The following ITGBL1 variants were observed in gnomAD, a reference collection of about 807,000 sequenced individuals.
ITGBL1 encodes integrin beta-like protein 1.
ITGBL1 carries 51 observed loss-of-function variants against 68.5 expected under a neutral mutation model. The ratio of observed to expected loss-of-function variants is 0.74; its 90% CI spans 0.59 to 0.94. The LOEUF (loss-of-function observed/expected upper bound fraction) is 0.94, where lower values mean the gene tolerates loss of function less well. Among genes scored for constraint, ITGBL1 ranks in the 40% least tolerant of loss-of-function variants. The pLI is 0.00. For missense variants in ITGBL1, 649 were observed against 647.4 expected (o/e 1.00, Z -0.03); for synonymous variants, 209 against 227.3 (o/e 0.92, Z 0.72).
intron 7 of ITGBL1, among the ~76,000 whole-genome samples, chr13:101,689,410 A>G (rs1313063009): frequency 2.6e-5 from 4 of 151,922 alleles, no homozygotes. Context: ...GATTTGTGGT[A>G]GTGGCTAAAT....
At chr13:101,596,286 A>C (rs2029964937) in intron 6 of ITGBL1, among the ~76,000 whole-genome samples, 1 of 152,196 alleles carries the variant, frequency 6.6e-6, no homozygotes, top group African/African-American at 2.4e-5. Flanking sequence ...GCCAAGGGGT[A>C]GGAGAAATGG....
At chr13:101,473,743 A>G (rs1258221239) in intron 2 of ITGBL1, among the ~76,000 whole-genome samples, 1 of 152,058 alleles carries the variant, frequency 6.6e-6, no homozygotes, top group Non-Finnish European at 1.5e-5. Flanking sequence ...CTCCAGGAGG[A>G]GAGGGTAAAG....
At position 101,654,420 on chromosome 13, in the gene ITGBL1, G is replaced by A. The variant is rs118191077; in HGVS notation, c.1016-38165G>A. ...AAACACAACAGGAGTTCAGGTAGAA[G>A]ATGATGGTGGCTTAGACTGGGAGCG... On this transcript the variant is annotated intron_variant, in intron 7 of 10. Coordinates refer to ENST00000376180, the MANE Select transcript of ITGBL1 (RefSeq NM_004791.3). Among the ~76,000 whole-genome samples the A allele has an allele frequency of 5.9e-5, 9 of 152,330 alleles. No homozygotes were observed. In the East Asian group the frequency reaches 1.7e-3, roughly 29 times the overall value.
At chr13:101,602,484 T>C (rs921234802) in intron 7 of ITGBL1, among the ~76,000 whole-genome samples, 1 of 152,062 alleles carries the variant, frequency 6.6e-6, no homozygotes, top group African/African-American at 2.4e-5. Flanking sequence ...ATTACCAATT[T>C]TGTTCAAGAA....
chr13:101,571,177 TACC>T (rs1163727995), intron 3 of ITGBL1, among the ~76,000 whole-genome samples: 1 of 152,114 alleles, frequency 6.6e-6, no homozygotes, highest in East Asian at 1.9e-4. Flanking sequence ...TGGCTCCCAA[TACC>T]ACCAACATAT....
chr13:101,698,091 T>G (rs988305352), intron 8 of ITGBL1, among the ~76,000 whole-genome samples: 1 of 152,166 alleles, frequency 6.6e-6, no homozygotes, highest in Non-Finnish European at 1.5e-5. Context: ...AATAACAAAA[T>G]AAGAGAGTCA....
At chr13:101,584,112 T>C (rs762315805) in intron 6 of ITGBL1, among the ~76,000 whole-genome samples, 6 of 152,210 alleles carry the variant, frequency 3.9e-5, no homozygotes, top group African/African-American at 7.2e-5. Context: ...AAATATCAAT[T>C]AGTAGATTCA....
chr13:101,689,170 A>G (rs1214313253), intron 7 of ITGBL1, among the ~76,000 whole-genome samples: 1 of 143,474 alleles, frequency 7.0e-6, no homozygotes, highest in Non-Finnish European at 1.5e-5. Context: ...GCAACACTGC[A>G]CTGCCAGCAC....
At chr13:101,680,569 G>C (rs1273922045) in intron 7 of ITGBL1, among the ~76,000 whole-genome samples, 1 of 151,514 alleles carries the variant, frequency 6.6e-6, no homozygotes, top group East Asian at 1.9e-4. Flanking sequence ...CAATGAAAAA[G>C]GAAGTGAACA....
At chr13:101,516,167 G>A (rs1287057876) in intron 2 of ITGBL1, among the ~76,000 whole-genome samples, 1 of 152,056 alleles carries the variant, frequency 6.6e-6, no homozygotes, top group Admixed American at 6.6e-5. Context: ...TATTGAAATA[G>A]TTTTAAAGCA....
In ITGBL1 at chr13:101,615,346, A is replaced by C. The variant is rs529282842; in HGVS notation, c.1015+17047A>C. ...AAATGAGGTGACACCCTGGGGTCCT[A>C]GGTGGACATGAATTTTGAGGAACAC... On this transcript the variant is annotated intron_variant, in intron 7 of 10. Transcript: ENST00000376180. Among the ~76,000 whole-genome samples, 10 of 152,296 alleles carry C rather than the reference A, an allele frequency of 6.6e-5. 1 individual carries two copies. In the East Asian group the frequency reaches 1.9e-3, roughly 29 times the overall value.
At position 101,468,816 on chromosome 13, in the gene ITGBL1, C is replaced by T. The variant is rs190498233; in HGVS notation, c.316+14716C>T. Among the ~76,000 whole-genome samples the T allele has an allele frequency of 2.0e-3, 307 of 152,266 alleles. 1 individual carries two copies. Among genetic ancestry groups the T allele is most frequent in the African/African-American group, 6.6e-3 (274 of 41,576 alleles). On this transcript the variant is annotated intron_variant, in intron 2 of 10. Transcript: ENST00000376180. Reference sequence around the variant, plus strand: ...AAATCACTGGGACAAAATTACTTGTCGTACTGATAATGAGCATTTTCTCAG... The same window carrying T: ...AAATCACTGGGACAAAATTACTTGTTGTACTGATAATGAGCATTTTCTCAG...
At position 101,669,512 on chromosome 13, in the gene ITGBL1, A is replaced by C. The variant is rs567110889; in HGVS notation, c.1016-23073A>C. ...ATTTGTGTGCAATCAAGTTGGCTTA[A>C]GTTAGAAGAGAATTGTTTACAATTC... On this transcript the variant is annotated intron_variant, in intron 7 of 10. Transcript: ENST00000376180. 2.0e-5 allele frequency among the ~76,000 whole-genome samples: 3 copies of C among 152,272 alleles called. No individual in the cohort carries two copies. The East Asian group carries it at 5.8e-4, about 29-fold the overall frequency.
At position 101,452,828 on chromosome 13, in the gene ITGBL1, C is replaced by T. The variant is rs77810082; in HGVS notation, c.-6C>T. 2.2e-3 allele frequency: 3,595 copies of T among 1,612,828 alleles called. 64 individuals carry two copies. In the African/African-American group the frequency reaches 0.042, roughly 19 times the overall value. On this transcript the variant is annotated 5_prime_UTR_variant, in exon 1 of 11. Transcript: ENST00000376180. ...CAGCTCGCCCGGAGCAGCCCAGGAG[C>T]TCAGCATGCGTCCCCCAGGCTTCAG...
At chr13:101,469,772 T>A (rs1022776511) in intron 2 of ITGBL1, among the ~76,000 whole-genome samples, 1 of 152,212 alleles carries the variant, frequency 6.6e-6, no homozygotes, top group African/African-American at 2.4e-5. Context: ...TGATCTTTTA[T>A]TAAAAGATAG....
intron 7 of ITGBL1, among the ~76,000 whole-genome samples, chr13:101,626,416 G>A (rs867019534): frequency 1.8e-4 from 28 of 152,030 alleles, no homozygotes; most frequent in African/African-American, 4.8e-4. Flanking sequence ...AATTTTCTCC[G>A]AAATAAGCAG....
chr13:101,677,396 G>T (rs970782695), intron 7 of ITGBL1, among the ~76,000 whole-genome samples: 4 of 152,188 alleles, frequency 2.6e-5, no homozygotes, highest in South Asian at 2.1e-4. Context: ...TATCACAGTG[G>T]TACCCAGAAA....
chr13:101,617,366 A>G (rs2031407400), intron 7 of ITGBL1, among the ~76,000 whole-genome samples: 1 of 152,042 alleles, frequency 6.6e-6, no homozygotes, highest in Non-Finnish European at 1.5e-5. Flanking sequence ...GTTCAAGCAG[A>G]GAAAAGAATT....
intron 2 of ITGBL1, among the ~76,000 whole-genome samples, chr13:101,543,081 T>C (rs1167558737): frequency 1.3e-5 from 2 of 152,240 alleles, no homozygotes; most frequent in Non-Finnish European, 2.9e-5. Flanking sequence ...TTGTTATGTG[T>C]GAATTTGATC....
Sources: allele counts gnomAD v4.1 joint callset (sites outside exome capture counted in the v4.1 genomes callset), GRCh38; gene constraint gnomAD v4.1.1; transcripts MANE v1.5; gene names NCBI Gene and HGNC (gene_info 2026-07-23, HGNC 2026-07-21).